EPHA3: variants seen among roughly 807,000 people sequenced by gnomAD.
The protein encoded by EPHA3 is ephrin type-A receptor 3.
In EPHA3, 42 loss-of-function variants were observed where a neutral mutation model predicts 107.1. The ratio of observed to expected loss-of-function variants is 0.39; its 90% CI spans 0.31 to 0.51. The LOEUF (loss-of-function observed/expected upper bound fraction) is 0.51, where lower values mean the gene tolerates loss of function less well. Ranked by LOEUF, EPHA3 falls within the 20% of genes least tolerant of loss-of-function variation. The pLI is 0.78. For missense variants in EPHA3, 1,183 were observed against 1,211.2 expected (o/e 0.98, Z 0.35); for synonymous variants, 461 against 424.8 (o/e 1.09, Z -1.05).
intron 3 of EPHA3, among the ~76,000 whole-genome samples, chr3:89,269,591 C>G (rs992605325): frequency 6.6e-6 from 1 of 151,308 alleles, no homozygotes; most frequent in African/African-American, 2.4e-5. Flanking sequence ...AGAGTGACAA[C>G]AATTTTTTTT....
intron 2 of EPHA3, among the ~76,000 whole-genome samples, chr3:89,208,458 G>GAAAGAAAGAAAGAAAGAAAGAAAGAA (rs1434532921): frequency 8.8e-6 from 1 of 113,926 alleles, no homozygotes; most frequent in Non-Finnish European, 1.7e-5. Context: ...AAGAAAGAAA[G>GAAAGAAAGAAAGAAAGAAAGAAAGAA]AAAGAAAGAA....
chr3:89,375,777 A>G (rs1414073956), intron 5 of EPHA3, among the ~76,000 whole-genome samples: 7 of 151,940 alleles, frequency 4.6e-5, no homozygotes, highest in Non-Finnish European at 8.8e-5. Context: ...TACAGACACA[A>G]ACAAAATAGG....
chr3:89,252,168 A>C (rs1705178871), intron 3 of EPHA3, among the ~76,000 whole-genome samples: 1 of 152,182 alleles, frequency 6.6e-6, no homozygotes, highest in Admixed American at 6.5e-5. Flanking sequence ...TACACTTCTT[A>C]TACTGCAAAC....
chr3:89,251,963 G>T (rs1183958951), intron 3 of EPHA3, among the ~76,000 whole-genome samples: 2 of 151,970 alleles, frequency 1.3e-5, no homozygotes, highest in African/African-American at 2.4e-5. Flanking sequence ...TTTTTAAATG[G>T]AACAAGCATG....
rs78810246 is a variant in EPHA3 at position 89,371,800 on chromosome 3, G to A, written c.1307-24037G>A. Among the ~76,000 whole-genome samples, 687 of 151,522 alleles carry A rather than the reference G, an allele frequency of 4.5e-3. 4 individuals carry two copies. Among genetic ancestry groups the A allele is most frequent in the African/African-American group, 0.012 (507 of 41,394 alleles). On this transcript the variant is annotated intron_variant, in intron 5 of 16. Coordinates refer to ENST00000336596, the MANE Select transcript of EPHA3 (RefSeq NM_005233.6). ...GACAAGTAGCAAAGTTTTAAGACTG[G>A]ATAATTTATTATATGGAAATCTTTC...
intron 2 of EPHA3, among the ~76,000 whole-genome samples, chr3:89,139,959 G>A (rs937467067): frequency 1.3e-5 from 2 of 151,814 alleles, no homozygotes; most frequent in Non-Finnish European, 2.9e-5. Flanking sequence ...TGGAGACACA[G>A]CAGACAAAAT....
At chr3:89,244,291 T>C (rs924000686) in intron 3 of EPHA3, among the ~76,000 whole-genome samples, 8 of 152,054 alleles carry the variant, frequency 5.3e-5, no homozygotes, top group Non-Finnish European at 8.8e-5. Context: ...AGTATCTTTG[T>C]TATATTTTGT....
At chr3:89,413,000 C>A (rs943246342) in intron 9 of EPHA3, 141 bp from the exon 10 acceptor site, 24 of 1,082,966 alleles carry the variant, frequency 2.2e-5, no homozygotes, top group Non-Finnish European at 2.9e-5. Flanking sequence ...CTGCCAGTTT[C>A]TGTGATACTA....
At chr3:89,386,755 A>T (rs1360399032) in intron 5 of EPHA3, among the ~76,000 whole-genome samples, 4 of 152,190 alleles carry the variant, frequency 2.6e-5, no homozygotes, top group Admixed American at 6.5e-5. Flanking sequence ...CATGAAAGTA[A>T]ATGGGAGGAG....
At position 89,135,637 on chromosome 3, in the gene EPHA3, G is replaced by A. The variant is rs1040051881; in HGVS notation, c.153+8364G>A. Among the ~76,000 whole-genome samples, 6 of 150,662 alleles carry A rather than the reference G, an allele frequency of 4.0e-5. No homozygotes were observed. In the South Asian group the frequency reaches 1.0e-3, roughly 26 times the overall value. ...TTAAGTACAATTCTTATATATAAAC[G>A]CATATATCTTGAATAATCTATAATA... On this transcript the variant is annotated intron_variant, in intron 2 of 16. Coordinates refer to ENST00000336596, the MANE Select transcript of EPHA3 (RefSeq NM_005233.6).
intron 3 of EPHA3, among the ~76,000 whole-genome samples, chr3:89,267,242 A>T (rs1306099245): frequency 6.6e-6 from 1 of 152,152 alleles, no homozygotes; most frequent in Non-Finnish European, 1.5e-5. Context: ...AGTATCAATG[A>T]TAGAAACTTT....
At position 89,262,963 on chromosome 3, in the gene EPHA3, CTTTTTTTTTTT is replaced by C. The variant is rs532365863; in HGVS notation, c.814+52460_814+52470del. On this transcript the variant is annotated intron_variant, in intron 3 of 16. Transcript: ENST00000336596. ...GTCCCCGAGGGCATGTTACAGCGCT[CTTTTTTTTTTT>C]TTTTTTTTTTTTTTTTAATTATACT... 1.0e-4 allele frequency among the ~76,000 whole-genome samples: 10 copies of C among 97,472 alleles called. 1 individual carries two copies. The highest frequency in any genetic ancestry group is 0.013 in the Middle Eastern group (2 of 158). 63.9% of individuals were successfully genotyped at this position (97,472 alleles called of 152,430 possible).
chr3:89,412,995 A>G (rs2107521741), intron 9 of EPHA3, 146 bp from the exon 10 acceptor site: 3 of 1,000,336 alleles, frequency 3.0e-6, no homozygotes, highest in Middle Eastern at 2.2e-4. Flanking sequence ...TGTCACTGCC[A>G]GTTTCTGTGA....
At chr3:89,418,612 A>G (rs1372633885) in intron 10 of EPHA3, among the ~76,000 whole-genome samples, 1 of 151,320 alleles carries the variant, frequency 6.6e-6, no homozygotes. Context: ...TAGATAAGGC[A>G]TGTTGTTTTT....
intron 3 of EPHA3, among the ~76,000 whole-genome samples, chr3:89,297,120 C>G (rs1274341980): frequency 2.0e-5 from 3 of 152,158 alleles, no homozygotes; most frequent in Non-Finnish European, 2.9e-5. Flanking sequence ...TTCATATCAG[C>G]AATAAGGTTG....
chr3:89,107,685 C>A lies in EPHA3; in HGVS notation c.-64C>A, dbSNP rs2106931680. On this transcript the variant is annotated 5_prime_UTR_variant, in exon 1 of 17. Transcript: ENST00000336596. The stretch of plus-strand genomic sequence containing the variant: ...AACTTCTCCAGCAATCAGAGCGCTC[C>A]CCCTCACATCAGTGGCATGCTTCAT... 1 of 1,447,734 alleles carries A rather than the reference C, an allele frequency of 6.9e-7. No homozygotes were observed. Among genetic ancestry groups the A allele is most frequent in the Non-Finnish European group, 9.7e-7 (1 of 1,032,440 alleles). The allele number at this position is 1,447,734 out of a possible 1,614,324, so 89.7% of individuals were successfully genotyped here.
chr3:89,268,405 G>T (rs934858575), intron 3 of EPHA3, among the ~76,000 whole-genome samples: 1 of 152,018 alleles, frequency 6.6e-6, no homozygotes, highest in Non-Finnish European at 1.5e-5. Flanking sequence ...CAATAAGAAA[G>T]GTTCGCTCAT....
intron 7 of EPHA3, 118 bp downstream of exon 7, chr3:89,399,598 G>A (rs1708916857): frequency 1.4e-6 from 2 of 1,441,150 alleles, no homozygotes; most frequent in African/African-American, 1.4e-5. Context: ...AAGGTATATT[G>A]CTTGGGACAT....
intron 3 of EPHA3, among the ~76,000 whole-genome samples, chr3:89,339,714 A>G (rs934465643): frequency 8.5e-5 from 13 of 152,170 alleles, no homozygotes; most frequent in African/African-American, 2.7e-4. Context: ...TTTTACTTTA[A>G]TGCAAATAAT....
Sources: gnomAD v4.1 joint callset for allele counts (sites outside exome capture counted in the v4.1 genomes callset) on GRCh38, gnomAD v4.1.1 for gene constraint, MANE v1.5 for transcripts, NCBI Gene and HGNC (gene_info 2026-07-23, HGNC 2026-07-21) for gene names.